RARB: variants seen among roughly 807,000 people sequenced by gnomAD.
RARB encodes retinoic acid receptor beta.
Under a neutral mutation model 51.9 loss-of-function variants are expected in RARB, and 17 were observed. The ratio of observed to expected loss-of-function variants is 0.33; its 90% CI spans 0.22 to 0.49. The LOEUF is 0.49. Among genes scored for constraint, RARB ranks in the 20% least tolerant of loss-of-function variants. The probability of loss-of-function intolerance (pLI) is 0.99; values close to 1 mark genes in which losing one functional copy is unlikely to be tolerated. For missense variants in RARB, 369 were observed against 550.8 expected, an observed-to-expected ratio of 0.67 and a Z score of 3.30; for synonymous variants, 215 against 195.4, an observed-to-expected ratio of 1.10 and a Z score of -0.84.
chr3:25,452,248 T>C (rs544261403), intron 1 of RARB, among the ~76,000 whole-genome samples: 1 of 152,290 alleles, frequency 6.6e-6, no homozygotes, highest in South Asian at 2.1e-4. Context: ...AAACAACCTA[T>C]GAGATATTTT....
chr3:24,881,414 G>C (rs2125356918), intron 2 of RARB, among the ~76,000 whole-genome samples: 1 of 152,280 alleles, frequency 6.6e-6, no homozygotes. Context: ...TAGGACTTGA[G>C]AAAGAATAGA....
chr3:24,988,853 T>C (rs1696850672), intron 2 of RARB, among the ~76,000 whole-genome samples: 1 of 152,102 alleles, frequency 6.6e-6, no homozygotes, highest in Non-Finnish European at 1.5e-5. Flanking sequence ...TGAGACAGAG[T>C]CTTGCTCTGT....
intron 2 of RARB, among the ~76,000 whole-genome samples, chr3:24,869,132 A>T (rs1702900613): frequency 6.6e-6 from 1 of 152,166 alleles, no homozygotes; most frequent in Non-Finnish European, 1.5e-5. Flanking sequence ...AATAAGGTAT[A>T]GTCTCTTATT....
intron 3 of RARB, among the ~76,000 whole-genome samples, chr3:25,526,872 G>A (rs1291961694): frequency 1.3e-5 from 2 of 152,188 alleles, no homozygotes; most frequent in Non-Finnish European, 2.9e-5. Flanking sequence ...ATGGAGTTCT[G>A]CTGGTGAAGG....
intron 1 of RARB, among the ~76,000 whole-genome samples, chr3:25,440,646 G>A (rs554522678): frequency 5.9e-5 from 9 of 151,802 alleles, no homozygotes; most frequent in African/African-American, 2.2e-4. Flanking sequence ...TGGTGCCCGC[G>A]CCTGTAGTCC....
At chr3:25,285,921 C>A (rs1703639394) in intron 5 of RARB, among the ~76,000 whole-genome samples, 1 of 152,106 alleles carries the variant, frequency 6.6e-6, no homozygotes, top group African/African-American at 2.4e-5. Flanking sequence ...TACACATGCT[C>A]AGTAACAAGG....
rs368224884 is a variant in RARB at position 25,152,757 on chromosome 3, G to A, written c.-280+20549G>A. ...TTTGGAGTCTGTAATTGTGAGTCTT[G>A]GCAGCTGACATTTTATGGGAGTGTA... On this transcript the variant is annotated intron_variant, in intron 4 of 11. Transcript: ENST00000383772. Among the ~76,000 whole-genome samples, 84 of 152,182 alleles carry A rather than the reference G, an allele frequency of 5.5e-4. 1 individual carries two copies. The highest frequency in any genetic ancestry group is 1.9e-3 in the African/African-American group (79 of 41,522).
At chr3:25,548,064 C>T (rs1252075658) in intron 3 of RARB, among the ~76,000 whole-genome samples, 1 of 150,650 alleles carries the variant, frequency 6.6e-6, no homozygotes, top group Non-Finnish European at 1.5e-5. Flanking sequence ...GTGCCCTCCC[C>T]CTGTAAAATA....
At chr3:24,947,553 T>A (rs1695801464) in intron 2 of RARB, among the ~76,000 whole-genome samples, 1 of 152,222 alleles carries the variant, frequency 6.6e-6, no homozygotes, top group African/African-American at 2.4e-5. Flanking sequence ...GACATCTTTT[T>A]TTATGGAGTT....
chr3:24,846,190 G>T (rs1009299070), intron 1 of RARB, among the ~76,000 whole-genome samples: 8 of 152,120 alleles, frequency 5.3e-5, no homozygotes, highest in African/African-American at 1.4e-4. Context: ...CTGCCTGCTG[G>T]GTGATCTTAG....
chr3:25,167,223 C>G (rs759060996), intron 4 of RARB, among the ~76,000 whole-genome samples: 7 of 152,152 alleles, frequency 4.6e-5, no homozygotes, highest in Non-Finnish European at 8.8e-5. Flanking sequence ...CCACAGAGCT[C>G]TAGTTTTTAA....
Position 25,286,089 on chromosome 3 carries a change from T to C in RARB, c.178+111514T>C, listed in dbSNP as rs1703645186. On this transcript the variant is annotated intron_variant, in intron 5 of 11. Coordinates refer to the RARB transcript ENST00000383772. ...TGCTAGTCTTGATCTTTCTCTTTTTTTTTTTTTTTTTTTTTTTTTTTGAGA... is the reference window on the plus strand; with the variant it reads ...TGCTAGTCTTGATCTTTCTCTTTTTCTTTTTTTTTTTTTTTTTTTTTGAGA... Among the ~76,000 whole-genome samples, 3 of 126,784 alleles carry C rather than the reference T, an allele frequency of 2.4e-5. No individual in the cohort carries two copies. In the Admixed American group the frequency reaches 2.4e-4, roughly 10 times the overall value. 83.2% of individuals were successfully genotyped at this position (126,784 alleles called of 152,430 possible).
intron 5 of RARB, among the ~76,000 whole-genome samples, chr3:25,298,284 G>T (rs1575293208): frequency 6.6e-6 from 1 of 151,178 alleles, no homozygotes; most frequent in Admixed American, 6.6e-5. Flanking sequence ...CCGGTTTCAT[G>T]CAATTCTCCT....
intron 3 of RARB, among the ~76,000 whole-genome samples, chr3:25,534,587 C>T (rs931478246): frequency 9.2e-5 from 14 of 152,294 alleles, no homozygotes; most frequent in African/African-American, 3.1e-4. Context: ...TTCCTGGGCC[C>T]CCCGGCACAG....
chr3:24,863,536 C>T (rs188687173), intron 2 of RARB, among the ~76,000 whole-genome samples: 79 of 152,092 alleles, frequency 5.2e-4, no homozygotes, highest in Non-Finnish European at 8.7e-4. Flanking sequence ...ATCATGTCAG[C>T]GTAACCTGGA....
At chr3:25,349,536 G>A (rs1403607357) in intron 5 of RARB, among the ~76,000 whole-genome samples, 1 of 152,040 alleles carries the variant, frequency 6.6e-6, no homozygotes, top group East Asian at 1.9e-4. Context: ...TCCTAATCCA[G>A]GCATCTCTAC....
intron 2 of RARB, among the ~76,000 whole-genome samples, chr3:24,894,339 C>A (rs1444432718): frequency 6.7e-6 from 1 of 148,314 alleles, no homozygotes; most frequent in Non-Finnish European, 1.5e-5. Context: ...CTGTTTAGCT[C>A]CCACTTACAA....
intron 4 of RARB, among the ~76,000 whole-genome samples, chr3:25,570,462 C>G (rs1346761531): frequency 2.0e-5 from 3 of 152,332 alleles, no homozygotes; most frequent in African/African-American, 7.2e-5. Flanking sequence ...AAGCCAGGGC[C>G]TAGAAAAGTT....
At chr3:25,288,968 C>T (rs1280343654) in intron 5 of RARB, among the ~76,000 whole-genome samples, 1 of 152,150 alleles carries the variant, frequency 6.6e-6, no homozygotes, top group East Asian at 1.9e-4. Flanking sequence ...ATTTGGAGAC[C>T]TTAATTTCTG....
Sources: allele counts gnomAD v4.1 joint callset (sites outside exome capture counted in the v4.1 genomes callset), GRCh38; gene constraint gnomAD v4.1.1; transcripts MANE v1.5; gene names NCBI Gene and HGNC (gene_info 2026-07-23, HGNC 2026-07-21).